The following OR4K1 variants were observed in gnomAD, a reference collection of about 807,000 sequenced individuals.
OR4K1 encodes the protein olfactory receptor 4K1.
Under a neutral mutation model 14.4 loss-of-function variants are expected in OR4K1, and 16 were observed. The ratio of observed to expected loss-of-function variants is 1.11; its 90% CI spans 0.75 to 1.68. The LOEUF (loss-of-function observed/expected upper bound fraction) is 1.68, where lower values mean the gene tolerates loss of function less well. Ranked by LOEUF, OR4K1 falls within the 40% of genes most tolerant of loss-of-function variation. The pLI is 0.00. For synonymous variants in OR4K1, 181 were observed against 133.1 expected, an observed-to-expected ratio of 1.36 and a Z score of -2.48; for missense variants, 548 against 376.9, an observed-to-expected ratio of 1.45 and a Z score of -3.76.
intron 1 of OR4K1, among the ~76,000 whole-genome samples, chr14:19,934,675 AT>A (rs34941850): frequency 2.5e-3 from 364 of 147,378 alleles, no homozygotes; most frequent in African/African-American, 4.7e-3. Context: ...TTCTTTTAAC[AT>A]TTTTTTTTTT....
intron 1 of OR4K1, among the ~76,000 whole-genome samples, chr14:19,932,817 G>A (rs2138592767): frequency 6.6e-6 from 1 of 152,192 alleles, no homozygotes; most frequent in South Asian, 2.1e-4. Flanking sequence ...ACAAATGCAT[G>A]CCATATGCTT....
At chr14:19,921,274 T>C in the OR4K1 span, 1 of 1,614,194 alleles carries the variant, frequency 6.2e-7, no homozygotes, top group Non-Finnish European at 8.5e-7. Flanking sequence ...ATTATTCTTG[T>C]TACAGTTTGG....
intron 1 of OR4K1, among the ~76,000 whole-genome samples, chr14:19,933,562 A>G (rs1882233431): frequency 6.6e-6 from 1 of 152,026 alleles, no homozygotes; most frequent in African/African-American, 2.4e-5. Context: ...TGCCTCGTTG[A>G]TCTGTTTACA....
At chr14:19,933,086 A>C (rs1484074422) in intron 1 of OR4K1, among the ~76,000 whole-genome samples, 1 of 151,622 alleles carries the variant, frequency 6.6e-6, no homozygotes. Flanking sequence ...TTTAAGTGGC[A>C]AATCTTATCA....
At chr14:19,923,213 G>A in the OR4K1 span, among the ~76,000 whole-genome samples, 1 of 152,106 alleles carries the variant, frequency 6.6e-6, no homozygotes, top group Admixed American at 6.5e-5. Flanking sequence ...TACATTTTCA[G>A]CTTCAGTGTA....
chr14:19,934,922 C>T (rs1255348789), intron 1 of OR4K1, among the ~76,000 whole-genome samples: 1 of 152,228 alleles, frequency 6.6e-6, no homozygotes, highest in Non-Finnish European at 1.5e-5. Context: ...ATCCACCTGC[C>T]TTGGCCTCTC....
chr14:19,921,366 T>G, the OR4K1 span: 97 of 1,614,048 alleles, frequency 6.0e-5, no homozygotes, highest in Non-Finnish European at 7.6e-5. Flanking sequence ...CTTTGGACCT[T>G]GCATCTTCAT....
At chr14:19,920,919 C>A in the OR4K1 span, 3 of 1,614,042 alleles carry the variant, frequency 1.9e-6, no homozygotes, top group African/African-American at 4.0e-5. Context: ...TTTCTTTATT[C>A]ACCTTTTTAC....
chr14:19,936,121 G>C lies in OR4K1; in HGVS notation c.455G>C (p.Gly152Ala), dbSNP rs372121266. ...TTTGTGTCTATTTCCTGGGCGGTGG[G>C]CGTTCTTCATTCTGTGAGCCACTTG... is the stretch of plus-strand genomic sequence containing the variant. ...VIFVSISWAV[G>A]VLHSVSHLAF... Residue 152 changes from glycine (G) to alanine (A), a missense_variant, in exon 2 of 2, where the codon GGC becomes GCC. Physicochemically the swap from Gly to Ala is moderately conservative, Grantham distance 60. Coordinates refer to ENST00000641172, the MANE Select transcript of OR4K1 (RefSeq NM_001004063.3). 3 of 1,614,124 alleles carry C rather than the reference G, an allele frequency of 1.9e-6. No individual in the cohort carries two copies. The East Asian group carries it at 6.7e-5, about 36-fold the overall frequency.
chr14:19,920,912 C>T, the OR4K1 span: 2 of 1,614,166 alleles, frequency 1.2e-6, no homozygotes, highest in Middle Eastern at 1.7e-4. Context: ...CCCAAATTTT[C>T]TTTATTCACC....
chr14:19,925,479 C>T, the OR4K1 span, among the ~76,000 whole-genome samples: 6 of 152,340 alleles, frequency 3.9e-5, no homozygotes, highest in South Asian at 6.2e-4. Flanking sequence ...CCAAACTCTA[C>T]CTTATTAGGG....
At chr14:19,935,439 A>G (rs1352873846) in intron 1 of OR4K1, among the ~76,000 whole-genome samples, 2 of 152,168 alleles carry the variant, frequency 1.3e-5, no homozygotes, top group Non-Finnish European at 2.9e-5. Context: ...AGGGATTCAT[A>G]TCTAATCCTC....
chr14:19,922,944 A>G, the OR4K1 span, among the ~76,000 whole-genome samples: 1 of 152,212 alleles, frequency 6.6e-6, no homozygotes, highest in Non-Finnish European at 1.5e-5. Flanking sequence ...CATTTTTGGT[A>G]TCTTTTTTTG....
rs531537413 is a variant in OR4K1, at chr14:19,935,519, C to G, written c.-19-129C>G. ...TATTAGTCAACTGAGTATTTACATA[C>G]GTAAATATATGTAACCTAATTAAAT... On this transcript the variant is annotated intron_variant, in intron 1 of 1. Transcript: ENST00000641172. The G allele has an allele frequency of 6.8e-6, 5 of 734,312 alleles. No homozygotes were observed. In the African/African-American group the frequency reaches 9.0e-5, roughly 13 times the overall value. The allele number at this position is 734,312 out of a possible 1,614,324, so 45.5% of individuals were successfully genotyped here. A position where few individuals can be genotyped will look rare whatever the true frequency, so the allele number is the denominator to read the frequency against.
chr14:19,921,775 G>A, the OR4K1 span: 1 of 571,464 alleles, frequency 1.7e-6, no homozygotes, highest in East Asian at 3.7e-5. Context: ...TAGATTACTG[G>A]TTCTAGAAAT....
chr14:19,925,049 G>A, the OR4K1 span, among the ~76,000 whole-genome samples: 2 of 152,162 alleles, frequency 1.3e-5, no homozygotes, highest in Admixed American at 6.5e-5. Flanking sequence ...TAATAGGATA[G>A]TATTAAAAAT....
rs981127306 is a variant in OR4K1, at chr14:19,935,719, C to T, written c.53C>T (p.Ser18Phe). ...MVSEFVLLGL[S>F]NSWGLQLFFF... ...TCTGAGTTTGTACTTTTGGGACTCT[C>T]TAATTCCTGGGGACTTCAACTTTTC... The change falls in exon 2 of 2, where the codon TCT becomes TTT. Residue 18 changes from serine (S) to phenylalanine (F), a missense_variant. By Grantham distance (155) the Ser-to-Phe change is radical. Transcript: ENST00000641172. 6.2e-7 allele frequency: 1 copy of T among 1,613,522 alleles called. No individual in the cohort carries two copies.
upstream of OR4K1, among the ~76,000 whole-genome samples, chr14:19,927,534 T>G (rs113053678): frequency 2.1e-4 from 32 of 152,346 alleles, no homozygotes; most frequent in African/African-American, 7.5e-4. Context: ...TGTGTAGATT[T>G]TTGTACTTTA....
At chr14:19,922,429 T>G in the OR4K1 span, among the ~76,000 whole-genome samples, 2 of 152,206 alleles carry the variant, frequency 1.3e-5, no homozygotes, top group Non-Finnish European at 2.9e-5. Flanking sequence ...CACTTCACCT[T>G]CTGTGGACTA....
Sources: gnomAD v4.1 joint callset for allele counts (sites outside exome capture counted in the v4.1 genomes callset) on GRCh38, gnomAD v4.1.1 for gene constraint, MANE v1.5 for transcripts, NCBI Gene and HGNC (gene_info 2026-07-23, HGNC 2026-07-21) for gene names.